GALNT14: variants seen among roughly 807,000 people sequenced by gnomAD.
GALNT14 encodes the protein polypeptide N-acetylgalactosaminyltransferase 14, also known as UDP-GalNAc:polypeptide N-acetylgalactosaminyltransferase 14.
Under a neutral mutation model 77.5 loss-of-function variants are expected in GALNT14, and 60 were observed. The ratio of observed to expected loss-of-function variants is 0.77; its 90% CI spans 0.63 to 0.96. GALNT14 has a LOEUF of 0.96. Among genes scored for constraint, GALNT14 ranks in the 40% least tolerant of loss-of-function variants. The probability of loss-of-function intolerance (pLI) is 0.00; values close to 1 mark genes in which losing one functional copy is unlikely to be tolerated. For synonymous variants in GALNT14, 280 were observed against 281.7 expected, an observed-to-expected ratio of 0.99 and a Z score of 0.06; for missense variants, 710 against 731.0, an observed-to-expected ratio of 0.97 and a Z score of 0.33.
intron 1 of GALNT14, among the ~76,000 whole-genome samples, chr2:31,112,542 T>C (rs1453589697): frequency 1.3e-5 from 2 of 152,218 alleles, no homozygotes; most frequent in Non-Finnish European, 2.9e-5. Flanking sequence ...CCAATTATTG[T>C]TAGATGTCAC....
chr2:31,089,758 G>A (rs890312016), intron 1 of GALNT14, among the ~76,000 whole-genome samples: 4 of 152,054 alleles, frequency 2.6e-5, no homozygotes, highest in Non-Finnish European at 5.9e-5. Flanking sequence ...ATGCTAGGGA[G>A]CCCATATTTC....
chr2:31,015,580 G>C (rs912359623), intron 1 of GALNT14, among the ~76,000 whole-genome samples: 1 of 152,212 alleles, frequency 6.6e-6, no homozygotes, highest in Non-Finnish European at 1.5e-5. Context: ...TTATGATGGA[G>C]ACTGCTGGCC....
intron 2 of GALNT14, 35 bp downstream of exon 2, chr2:30,992,803 T>C (rs1388409032): frequency 6.2e-7 from 1 of 1,604,872 alleles, no homozygotes; most frequent in South Asian, 1.1e-5. Context: ...CTCTTTTGAC[T>C]GCGGGGGTAA....
chr2:31,030,618 T>C (rs1672343581), intron 1 of GALNT14, among the ~76,000 whole-genome samples: 1 of 152,204 alleles, frequency 6.6e-6, no homozygotes, highest in Admixed American at 6.5e-5. Flanking sequence ...AACCCTCATG[T>C]CTGCCATCTG....
chr2:31,035,553 A>ATGTGTGTGTGTGTGTGTGTGTGTGTG (rs573163116), intron 1 of GALNT14, among the ~76,000 whole-genome samples: 1 of 129,438 alleles, frequency 7.7e-6, no homozygotes, highest in Non-Finnish European at 1.6e-5. Context: ...GATAAAGAAA[A>ATGTGTGTGTGTGTGTGTGTGTGTGTG]TGTGTGTGTG....
intron 2 of GALNT14, among the ~76,000 whole-genome samples, chr2:30,989,635 T>C (rs1278193125): frequency 9.0e-6 from 1 of 111,344 alleles, no homozygotes; most frequent in African/African-American, 3.3e-5. Flanking sequence ...TATATAAAAA[T>C]ATATATATTA....
At chr2:30,937,493 T>A (rs1339571765) in intron 9 of GALNT14, among the ~76,000 whole-genome samples, 2 of 152,186 alleles carry the variant, frequency 1.3e-5, no homozygotes. Context: ...AACTCAGTTT[T>A]CCTTGGAGTT....
intron 1 of GALNT14, among the ~76,000 whole-genome samples, chr2:31,023,174 AAAAC>A (rs200212578): frequency 0.37 from 55,389 of 151,354 alleles, 10,602 homozygotes; most frequent in East Asian, 0.55. Flanking sequence ...AACAAAAACA[AAAAC>A]AAAACAAGGT....
At chr2:30,987,909 T>C (rs970840283) in intron 2 of GALNT14, among the ~76,000 whole-genome samples, 4 of 152,130 alleles carry the variant, frequency 2.6e-5, no homozygotes, top group African/African-American at 7.2e-5. Flanking sequence ...GGTAAGAAAA[T>C]TGGAAGCAAA....
chr2:31,118,501 T>TATGATTCAATCAAAAGATAAAA (rs1678229084), intron 1 of GALNT14, among the ~76,000 whole-genome samples: 1 of 151,822 alleles, frequency 6.6e-6, no homozygotes, highest in Non-Finnish European at 1.5e-5. Context: ...AAAAGAGAAA[T>TATGATTCAATCAAAAGATAAAA]ATGATTCAAT....
chr2:30,924,298 C>T (rs773624648), intron 12 of GALNT14, 35 bp from the exon 13 acceptor site: 11 of 1,611,040 alleles, frequency 6.8e-6, no homozygotes, highest in South Asian at 1.1e-5. Flanking sequence ...GGAGAGTCCA[C>T]TGCTCATTGG....
intron 1 of GALNT14, among the ~76,000 whole-genome samples, chr2:31,081,116 G>T (rs1423622328): frequency 2.0e-5 from 3 of 152,162 alleles, no homozygotes; most frequent in Non-Finnish European, 4.4e-5. Context: ...CAAATGCATT[G>T]TTGCTGTGAG....
intron 9 of GALNT14, among the ~76,000 whole-genome samples, chr2:30,941,239 T>C (rs1173847874): frequency 6.6e-6 from 1 of 152,198 alleles, no homozygotes; most frequent in Non-Finnish European, 1.5e-5. Flanking sequence ...TCTACTGTGA[T>C]GTGTTCATTC....
At chr2:30,894,665 G>A in the GALNT14 span, among the ~76,000 whole-genome samples, 9 of 152,174 alleles carry the variant, frequency 5.9e-5, no homozygotes, top group African/African-American at 2.2e-4. Flanking sequence ...AACTACTTCC[G>A]GTGGTTGGAA....
At chr2:31,027,769 C>G (rs115448399) in intron 1 of GALNT14, among the ~76,000 whole-genome samples, 1 of 152,308 alleles carries the variant, frequency 6.6e-6, no homozygotes, top group African/African-American at 2.4e-5. Context: ...ACATCCACTA[C>G]AGTGTACTCA....
At chr2:31,062,529 C>T (rs1389676727) in intron 1 of GALNT14, among the ~76,000 whole-genome samples, 1 of 152,130 alleles carries the variant, frequency 6.6e-6, no homozygotes, top group Non-Finnish European at 1.5e-5. Context: ...CATACATGTG[C>T]ATGTGTCTTT....
chr2:30,893,248 G>A, the GALNT14 span, among the ~76,000 whole-genome samples: 1 of 152,156 alleles, frequency 6.6e-6, no homozygotes, highest in Non-Finnish European at 1.5e-5. Flanking sequence ...TTTGATCAGA[G>A]AGCCTCCTGA....
intron 1 of GALNT14, among the ~76,000 whole-genome samples, chr2:31,015,940 T>C (rs1042704748): frequency 1.3e-5 from 2 of 152,084 alleles, no homozygotes; most frequent in Admixed American, 1.3e-4. Context: ...AACGAGACCT[T>C]GAAGCAGGCT....
intron 3 of GALNT14, among the ~76,000 whole-genome samples, chr2:30,960,505 TAGTC>T (rs1368211247): frequency 6.6e-6 from 1 of 151,848 alleles, no homozygotes; most frequent in Non-Finnish European, 1.5e-5. Context: ...AAAAAAGAAA[TAGTC>T]AGCAGTGAGT....
Sources: gnomAD v4.1 joint callset for allele counts (sites outside exome capture counted in the v4.1 genomes callset) on GRCh38, gnomAD v4.1.1 for gene constraint, MANE v1.5 for transcripts, NCBI Gene and HGNC (gene_info 2026-07-23, HGNC 2026-07-21) for gene names.